EYS: variants seen among roughly 807,000 people sequenced by gnomAD.
The protein encoded by EYS is protein eyes shut homolog.
EYS carries 250 observed loss-of-function variants against 282.1 expected under a neutral mutation model. That is an observed-to-expected ratio of 0.89 (90% CI 0.80 to 0.98). The LOEUF is 0.98. Among genes scored for constraint, EYS ranks in the 50% least tolerant of loss-of-function variants. The pLI is 0.00. For missense variants in EYS, 4,016 were observed against 3,709.0 expected, an observed-to-expected ratio of 1.08 and a Z score of -2.15; for synonymous variants, 1,355 against 1,282.9, an observed-to-expected ratio of 1.06 and a Z score of -1.20.
chr6:64,265,135 T>G (rs1016147942), intron 30 of EYS, among the ~76,000 whole-genome samples: 1 of 152,168 alleles, frequency 6.6e-6, no homozygotes, highest in African/African-American at 2.4e-5. Context: ...TGTTACTTTT[T>G]CTTATTTTTT....
intron 31 of EYS, among the ~76,000 whole-genome samples, chr6:64,148,981 C>A (rs548721694): frequency 3.0e-4 from 45 of 152,230 alleles, no homozygotes; most frequent in African/African-American, 1.1e-3. Context: ...TATTAGAATT[C>A]ATAAATGACA....
chr6:64,471,986 A>AAC (rs386407343), intron 26 of EYS, among the ~76,000 whole-genome samples: 1 of 151,966 alleles, frequency 6.6e-6, no homozygotes, highest in East Asian at 1.9e-4. Flanking sequence ...ACACAAAAAA[A>AAC]ATTTGAGGTG....
intron 26 of EYS, among the ~76,000 whole-genome samples, chr6:64,578,621 G>T (rs868392336): frequency 1.4e-4 from 21 of 145,308 alleles, no homozygotes; most frequent in African/African-American, 5.4e-4. Context: ...GTGTGTGTGT[G>T]GTGTGTGTGT....
At position 65,426,794 on chromosome 6, in the gene EYS, T is replaced by A. The variant is rs972793786; in HGVS notation, c.863-21427A>T. 1.1e-4 allele frequency among the ~76,000 whole-genome samples: 16 copies of A among 152,194 alleles called. 1 individual carries two copies. In the South Asian group the frequency reaches 1.5e-3, roughly 14 times the overall value. On this transcript the variant is annotated intron_variant, in intron 5 of 42. Transcript: ENST00000503581. ...TAATGTAAAAATTTTGTTTTAGGAG[T>A]TTCAACAGATGTTAATAAGTTATAA...
At chr6:65,062,788 G>A (rs562530845) in intron 12 of EYS, among the ~76,000 whole-genome samples, 8 of 152,032 alleles carry the variant, frequency 5.3e-5, no homozygotes, top group Admixed American at 2.0e-4. Context: ...AATGGAAACC[G>A]CATAAAGAGG....
chr6:64,507,704 G>C (rs1470260715), intron 26 of EYS, among the ~76,000 whole-genome samples: 1 of 151,856 alleles, frequency 6.6e-6, no homozygotes, highest in Non-Finnish European at 1.5e-5. Context: ...CAAATATTTG[G>C]AAACTTGGAG....
chr6:65,451,182 A>C (rs1408793890), intron 5 of EYS, among the ~76,000 whole-genome samples: 7 of 152,076 alleles, frequency 4.6e-5, no homozygotes, highest in Non-Finnish European at 1.0e-4. Flanking sequence ...CAATGCATGC[A>C]GATAAGTAGT....
intron 26 of EYS, among the ~76,000 whole-genome samples, chr6:64,526,452 C>A (rs930018030): frequency 2.6e-5 from 4 of 151,488 alleles, no homozygotes. Flanking sequence ...TTAAATAGAC[C>A]TAATTTATTC....
chr6:64,529,370 C>A (rs1222005326), intron 26 of EYS, among the ~76,000 whole-genome samples: 1 of 152,006 alleles, frequency 6.6e-6, no homozygotes, highest in Non-Finnish European at 1.5e-5. Flanking sequence ...TTGATCATAT[C>A]TTGATATATT....
Position 64,670,263 on chromosome 6 carries a change from C to G in EYS, c.3444-44018G>C, listed in dbSNP as rs188105002. Among the ~76,000 whole-genome samples the G allele has an allele frequency of 1.4e-3, 213 of 152,106 alleles. 1 individual carries two copies. Among genetic ancestry groups the G allele is most frequent in the African/African-American group, 5.0e-3 (207 of 41,524 alleles). ...CTTCTCGCCCTCATTTTTAAAAGAT[C>G]GTCCACGCTTTGTCTTAGAGGAGTT... On this transcript the variant is annotated intron_variant, in intron 22 of 42. Transcript: ENST00000503581.
rs572449174 is a variant in EYS, at chr6:64,379,397, T to C, written c.6078+9293A>G. 3.9e-5 allele frequency among the ~76,000 whole-genome samples: 6 copies of C among 152,316 alleles called. No individual in the cohort carries two copies. In the South Asian group the frequency reaches 1.2e-3, roughly 32 times the overall value. On this transcript the variant is annotated intron_variant, in intron 29 of 42. Transcript: ENST00000503581. ...TAAACCAGATTACTTCTTGTTTTAC[T>C]TTACCCATTTTTCCCTAACCACTTG...
chr6:63,805,190 T>G (rs1770873633), intron 37 of EYS, among the ~76,000 whole-genome samples: 1 of 152,216 alleles, frequency 6.6e-6, no homozygotes, highest in Non-Finnish European at 1.5e-5. Flanking sequence ...AACACTGAAC[T>G]CAGAGAAGTT....
intron 8 of EYS, among the ~76,000 whole-genome samples, chr6:65,368,125 A>C (rs1265758402): frequency 6.6e-6 from 1 of 151,528 alleles, no homozygotes; most frequent in East Asian, 1.9e-4. Context: ...CTTAAAAAAA[A>C]CCATCAGATA....
chr6:63,835,908 G>T (rs1446000328), intron 36 of EYS, among the ~76,000 whole-genome samples: 1 of 152,020 alleles, frequency 6.6e-6, no homozygotes, highest in Non-Finnish European at 1.5e-5. Context: ...GGAAAAGAAA[G>T]TCAAAAGACA....
intron 32 of EYS, among the ~76,000 whole-genome samples, chr6:64,078,764 GA>G (rs1382857138): frequency 6.6e-6 from 1 of 152,016 alleles, no homozygotes; most frequent in Non-Finnish European, 1.5e-5. Flanking sequence ...ATTGAATAAG[GA>G]AGGCAGAAAT....
chr6:63,774,322 C>T (rs531521593), intron 40 of EYS, among the ~76,000 whole-genome samples: 1 of 152,226 alleles, frequency 6.6e-6, no homozygotes, highest in African/African-American at 2.4e-5. Context: ...GCACCCACCA[C>T]CACACTGGCT....
chr6:64,052,956 C>T (rs1209819029), intron 33 of EYS, among the ~76,000 whole-genome samples: 2 of 152,166 alleles, frequency 1.3e-5, no homozygotes, highest in African/African-American at 2.4e-5. Context: ...TATTTCTTCA[C>T]AGCAGCGTGA....
At chr6:65,608,610 CTT>C (rs985552329) in intron 2 of EYS, among the ~76,000 whole-genome samples, 4 of 151,992 alleles carry the variant, frequency 2.6e-5, no homozygotes, top group Non-Finnish European at 5.9e-5. Flanking sequence ...TTTATTTACT[CTT>C]TGACTTTTCT....
intron 15 of EYS, among the ~76,000 whole-genome samples, chr6:64,931,987 A>G (rs2150087560): frequency 6.6e-6 from 1 of 152,114 alleles, no homozygotes; most frequent in East Asian, 1.9e-4. Flanking sequence ...TCAAACATAC[A>G]CTCTTCCATA....
Sources: gnomAD v4.1 joint callset for allele counts (sites outside exome capture counted in the v4.1 genomes callset) on GRCh38, gnomAD v4.1.1 for gene constraint, MANE v1.5 for transcripts, NCBI Gene and HGNC (gene_info 2026-07-23, HGNC 2026-07-21) for gene names.